Variants in CELF2 observed in about 807,000 individuals in gnomAD.
CELF2 encodes CUGBP Elav-like family member 2.
CELF2 carries 8 observed loss-of-function variants against 62.6 expected under a neutral mutation model. That is an observed-to-expected ratio of 0.13 (90% CI 0.07 to 0.23). CELF2 has a LOEUF of 0.23. CELF2 is among the 10% of genes least tolerant of loss of function. The pLI is 1.00. For synonymous variants in CELF2, 258 were observed against 250.0 expected, an observed-to-expected ratio of 1.03 and a Z score of -0.30; for missense variants, 333 against 671.0, an observed-to-expected ratio of 0.50 and a Z score of 5.56.
chr10:10,782,895 A>G, the CELF2 span, among the ~76,000 whole-genome samples: 1 of 152,212 alleles, frequency 6.6e-6, no homozygotes, highest in Admixed American at 6.5e-5. Flanking sequence ...TTGTATGACT[A>G]AAGTTCAGCC....
the CELF2 span, among the ~76,000 whole-genome samples, chr10:10,685,050 T>C: frequency 6.6e-6 from 1 of 152,022 alleles, no homozygotes; most frequent in Non-Finnish European, 1.5e-5. Context: ...TTCTTAGGCA[T>C]AATGAAGGGC....
At chr10:11,158,631 G>C (rs770488844) in intron 1 of CELF2, among the ~76,000 whole-genome samples, 2 of 152,064 alleles carry the variant, frequency 1.3e-5, no homozygotes, top group South Asian at 4.2e-4. Flanking sequence ...ACTTCTTTGT[G>C]GGGGTTCTCC....
chr10:10,484,643 T>A, the CELF2 span, among the ~76,000 whole-genome samples: 1 of 151,924 alleles, frequency 6.6e-6, no homozygotes, highest in Non-Finnish European at 1.5e-5. Flanking sequence ...AAAGTACTTG[T>A]GGCTTTTCAG....
the CELF2 span, among the ~76,000 whole-genome samples, chr10:10,511,760 G>T: frequency 6.6e-6 from 1 of 152,022 alleles, no homozygotes; most frequent in African/African-American, 2.4e-5. Context: ...CTACTTCAAG[G>T]GTTGTTGTAA....
Position 11,110,880 on chromosome 10 carries a change from A to G in CELF2, c.75-54606A>G, listed in dbSNP as rs20407. On this transcript the variant is annotated intron_variant, in intron 1 of 12. Coordinates refer to ENST00000633077, the MANE Select transcript of CELF2 (RefSeq NM_001326342.2). This position sits in a 1 kb window ranked among gnomAD's most constrained non-coding sequence, Gnocchi z 4.0. ...CTAGACCCCCACTAACAAGGAGCAA[A>G]GCCCTTGGAAACGCAGCACTGCAAT... 0.55 allele frequency among the ~76,000 whole-genome samples: 84,311 copies of G among 151,932 alleles called. 24,031 individuals are homozygous for G. The highest frequency in any genetic ancestry group is 0.81 in the East Asian group (4,203 of 5,178).
rs374903875 is a variant in CELF2, at chr10:11,224,471, C to T, written c.354+6964C>T. Among the ~76,000 whole-genome samples the T allele has an allele frequency of 1.3e-5, 2 of 152,114 alleles. No homozygotes were observed. The highest frequency in any genetic ancestry group is 2.1e-4 in the South Asian group (1 of 4,836). On this transcript the variant is annotated intron_variant, in intron 3 of 12. Transcript: ENST00000633077. This position sits in a 1 kb window ranked among gnomAD's most constrained non-coding sequence, Gnocchi z 4.5. ...AAACTGGGAATATGCAGTTCACTTA[C>T]GTCGACCTTAGTTCCCAAAAGGTTG...
chr10:10,543,758 T>A, the CELF2 span, among the ~76,000 whole-genome samples: 4 of 151,102 alleles, frequency 2.6e-5, no homozygotes, highest in African/African-American at 9.8e-5. Context: ...AAACTCCATT[T>A]CAACAACAAC....
the CELF2 span, among the ~76,000 whole-genome samples, chr10:10,768,693 G>A: frequency 6.6e-6 from 1 of 151,456 alleles, no homozygotes; most frequent in Admixed American, 6.6e-5. Context: ...CCTGCCTCAG[G>A]TTCCCAAGTA....
the CELF2 span, among the ~76,000 whole-genome samples, chr10:10,774,586 C>T: frequency 1.3e-5 from 2 of 152,356 alleles, no homozygotes; most frequent in African/African-American, 4.8e-5. Context: ...CTGGCTTCCC[C>T]TTGCCTTCCG....
intron 1 of CELF2, among the ~76,000 whole-genome samples, chr10:10,887,355 C>T (rs1465762544): frequency 6.6e-6 from 1 of 152,144 alleles, no homozygotes; most frequent in East Asian, 1.9e-4. Context: ...TGGGCTCCAG[C>T]CTACGAAGAA....
chr10:10,943,406 C>T (rs2047266134), intron 2 of CELF2, among the ~76,000 whole-genome samples: 1 of 152,120 alleles, frequency 6.6e-6, no homozygotes, highest in Non-Finnish European at 1.5e-5. Flanking sequence ...GAGCTACAGA[C>T]AATGGGAGGA....
At chr10:10,744,425 T>C in the CELF2 span, among the ~76,000 whole-genome samples, 1 of 152,182 alleles carries the variant, frequency 6.6e-6, no homozygotes, top group Non-Finnish European at 1.5e-5. Flanking sequence ...TTCCAAAGTG[T>C]TTAAAGAGTG....
chr10:10,854,851 G>T (rs541395824), intron 1 of CELF2, among the ~76,000 whole-genome samples: 1 of 151,712 alleles, frequency 6.6e-6, no homozygotes, highest in Admixed American at 6.6e-5. Context: ...CCCCCTAGCT[G>T]ATTGAGTCAT....
the CELF2 span, among the ~76,000 whole-genome samples, chr10:10,781,716 A>G: frequency 7.9e-5 from 12 of 152,200 alleles, no homozygotes; most frequent in African/African-American, 2.9e-4. Flanking sequence ...CTAGGTGTGT[A>G]TTAGGCTCTA....
At chr10:10,838,841 C>G (rs1019899964) in intron 1 of CELF2, among the ~76,000 whole-genome samples, 2 of 152,186 alleles carry the variant, frequency 1.3e-5, no homozygotes, top group Non-Finnish European at 2.9e-5. Flanking sequence ...AGTCCTGGTT[C>G]TATTTATTAG....
Position 10,908,452 on chromosome 10 carries a change from A to C in CELF2, c.54-11512A>C, listed in dbSNP as rs1030649423. Among the ~76,000 whole-genome samples the C allele has an allele frequency of 3.3e-5, 5 of 150,706 alleles. No individual in the cohort carries two copies. The East Asian group carries it at 7.9e-4, about 24-fold the overall frequency. On this transcript the variant is annotated intron_variant, in intron 1 of 13. Transcript: ENST00000636488. ...ATCCAGGATGGTCTCGATCTCCTGA[A>C]CTCGTGATCTGCCCGCCTCGGCCTC...
the CELF2 span, among the ~76,000 whole-genome samples, chr10:10,716,027 A>T: frequency 6.6e-6 from 1 of 152,154 alleles, no homozygotes; most frequent in Non-Finnish European, 1.5e-5. Flanking sequence ...TGTTAGTTAG[A>T]AAAATTCTAT....
chr10:10,859,304 A>T (rs2059926495), intron 1 of CELF2, among the ~76,000 whole-genome samples: 1 of 152,182 alleles, frequency 6.6e-6, no homozygotes, highest in Non-Finnish European at 1.5e-5. Context: ...CCTAATTAGA[A>T]TCTAATTTCA....
the CELF2 span, among the ~76,000 whole-genome samples, chr10:10,600,951 G>A: frequency 6.6e-6 from 1 of 152,214 alleles, no homozygotes; most frequent in Admixed American, 6.5e-5. Context: ...GCCAGCAGGG[G>A]TGGAACCATC....
Sources: allele counts gnomAD v4.1 joint callset (sites outside exome capture counted in the v4.1 genomes callset), GRCh38; gene constraint gnomAD v4.1.1; non-coding constraint Gnocchi (gnomAD v3.1); transcripts MANE v1.5; gene names NCBI Gene and HGNC (gene_info 2026-07-23, HGNC 2026-07-21).